METTL15: variants seen among roughly 807,000 people sequenced by gnomAD.
METTL15 encodes the protein 12S rRNA N(4)-cytidine methyltransferase METTL15.
METTL15 carries 34 observed loss-of-function variants against 38.3 expected under a neutral mutation model. That is an observed-to-expected ratio of 0.89 (90% CI 0.68 to 1.18). The LOEUF (loss-of-function observed/expected upper bound fraction) is 1.18. Ranked by LOEUF, METTL15 falls within the 50% of genes most tolerant of loss-of-function variation. The pLI is 0.00. For synonymous variants in METTL15, 162 were observed against 170.9 expected, an observed-to-expected ratio of 0.95 and a Z score of 0.41; for missense variants, 438 against 498.4, an observed-to-expected ratio of 0.88 and a Z score of 1.15.
intron 6 of METTL15, among the ~76,000 whole-genome samples, chr11:28,441,282 T>C (rs1851032895): frequency 6.6e-6 from 1 of 152,070 alleles, no homozygotes; most frequent in African/African-American, 2.4e-5. Flanking sequence ...TTTCACCATG[T>C]TGGCCAGGCT....
chr11:28,134,989 G>C (rs541969758), intron 3 of METTL15, among the ~76,000 whole-genome samples: 1 of 152,236 alleles, frequency 6.6e-6, no homozygotes, highest in South Asian at 2.1e-4. Context: ...TCCAGGACTA[G>C]AATATTGATC....
At chr11:28,441,460 A>G (rs1304206236) in intron 6 of METTL15, among the ~76,000 whole-genome samples, 1 of 151,996 alleles carries the variant, frequency 6.6e-6, no homozygotes, top group East Asian at 1.9e-4. Context: ...TCTGTTTCTT[A>G]CTCCTGAATT....
At chr11:28,475,025 A>G (rs1349284774) in intron 6 of METTL15, among the ~76,000 whole-genome samples, 1 of 152,174 alleles carries the variant, frequency 6.6e-6, no homozygotes, top group African/African-American at 2.4e-5. Flanking sequence ...GATCGTTTTG[A>G]TAGCCAAAGG....
At chr11:28,365,763 A>G (rs1380148198) in intron 5 of METTL15, among the ~76,000 whole-genome samples, 4 of 152,154 alleles carry the variant, frequency 2.6e-5, no homozygotes, top group Non-Finnish European at 5.9e-5. Flanking sequence ...ATAACAAAAA[A>G]TGGGCCAGGC....
At chr11:28,492,765 T>C (rs1392292989) in intron 6 of METTL15, among the ~76,000 whole-genome samples, 2 of 152,168 alleles carry the variant, frequency 1.3e-5, no homozygotes, top group Non-Finnish European at 1.5e-5. Flanking sequence ...GTATCTTATG[T>C]AAGTACAGAC....
intron 6 of METTL15, among the ~76,000 whole-genome samples, chr11:28,318,510 A>C (rs1343549688): frequency 6.6e-6 from 1 of 152,226 alleles, no homozygotes; most frequent in Non-Finnish European, 1.5e-5. Context: ...AACAAGAAGC[A>C]CTATTCTTTC....
intron 4 of METTL15, among the ~76,000 whole-genome samples, chr11:28,285,982 T>TGG (rs1856246469): frequency 6.6e-6 from 1 of 152,160 alleles, no homozygotes; most frequent in South Asian, 2.1e-4. Context: ...ATCTACCTCT[T>TGG]GAGCAGAGAT....
intron 6 of METTL15, among the ~76,000 whole-genome samples, chr11:28,498,380 G>T (rs1039305669): frequency 2.0e-5 from 3 of 151,960 alleles, no homozygotes; most frequent in African/African-American, 7.2e-5. Flanking sequence ...GGATGGTCTC[G>T]ATCTCCTGAC....
intron 4 of METTL15, among the ~76,000 whole-genome samples, chr11:28,284,214 A>G (rs1289572907): frequency 6.6e-6 from 1 of 152,128 alleles, no homozygotes; most frequent in African/African-American, 2.4e-5. Flanking sequence ...TTTTTTATAT[A>G]CTTTCATACT....
chr11:28,191,672 C>A, intron 3 of METTL15, among the ~76,000 whole-genome samples: 1 of 151,442 alleles, frequency 6.6e-6, no homozygotes, highest in Non-Finnish European at 1.5e-5. Flanking sequence ...TGGATGAGTT[C>A]TTTTGGCACG....
At chr11:28,269,962 G>A (rs368628345) in intron 4 of METTL15, among the ~76,000 whole-genome samples, 11 of 152,198 alleles carry the variant, frequency 7.2e-5, no homozygotes, top group African/African-American at 2.7e-4. Flanking sequence ...TTCAAACCCT[G>A]TATAAAAACA....
chr11:28,278,263 T>C (rs1481067735), intron 4 of METTL15, among the ~76,000 whole-genome samples: 1 of 152,200 alleles, frequency 6.6e-6, no homozygotes, highest in Non-Finnish European at 1.5e-5. Flanking sequence ...TAGACATTTT[T>C]ATGTGACAAT....
chr11:28,315,879 G>A lies in METTL15; in HGVS notation c.779-14517G>A, dbSNP rs557949027. Among the ~76,000 whole-genome samples the A allele has an allele frequency of 5.9e-5, 9 of 152,354 alleles. No homozygotes were observed. The South Asian group carries it at 1.7e-3, about 28-fold the overall frequency. On this transcript the variant is annotated intron_variant, in intron 6 of 6. Transcript: ENST00000407364. The stretch of plus-strand genomic sequence containing the variant: ...TCTATGTGGTGTTGAGCCTGTGGGT[G>A]CACAGAAGTCAAGAATTGGGGTTTG...
Position 28,290,098 on chromosome 11 carries a change from C to T in METTL15, c.408-108C>T, listed in dbSNP as rs764448194. 1.6e-4 allele frequency: 142 copies of T among 898,032 alleles called. 1 individual carries two copies. Among genetic ancestry groups the T allele is most frequent in the Admixed American group, 4.6e-4 (15 of 32,602 alleles). The allele number at this position is 898,032 out of a possible 1,614,324, so 55.6% of individuals were successfully genotyped here. A position where few individuals can be genotyped will look rare whatever the true frequency, so the allele number is the denominator to read the frequency against. On this transcript the variant is annotated intron_variant, in intron 4 of 6. Coordinates refer to ENST00000407364, the MANE Select transcript of METTL15 (RefSeq NM_001113528.2). ...CACTAAGCACTCAATAAATATATAT[C>T]GGTTAAATCATGTAATAATAGAATG...
intron 3 of METTL15, among the ~76,000 whole-genome samples, chr11:28,187,203 A>G (rs1851528675): frequency 6.6e-6 from 1 of 151,320 alleles, no homozygotes; most frequent in Admixed American, 6.6e-5. Flanking sequence ...TCTGAACAAA[A>G]GTAGGTGAGT....
At chr11:28,344,074 C>T (rs1297471188) in intron 3 of METTL15, among the ~76,000 whole-genome samples, 3 of 152,126 alleles carry the variant, frequency 2.0e-5, no homozygotes, top group Non-Finnish European at 4.4e-5. Context: ...ACCAGGTGGC[C>T]TTTTCTTGTA....
At position 28,296,879 on chromosome 11, in the gene METTL15, A is replaced by G; in HGVS notation, c.726A>G (p.Ala242=). 6.2e-7 allele frequency: 1 copy of G among 1,613,628 alleles called. No homozygotes were observed. The highest frequency in any genetic ancestry group is 8.5e-7 in the Non-Finnish European group (1 of 1,179,716). ...AKKIASAIVQ[A]RSIYPITRTQ... ...AAATCGCTTCAGCAATTGTTCAGGC[A>G]CGCAGCATCTACCCCATCACCAGAA... Residue 242 remains alanine (A), a synonymous_variant, in exon 6 of 7, where the codon GCA becomes GCG. Transcript: ENST00000407364.
intron 5 of METTL15, among the ~76,000 whole-genome samples, chr11:28,370,304 A>ATGCAATAT (rs60467307): frequency 0.42 from 63,574 of 151,016 alleles, 14,703 homozygotes; most frequent in Admixed American, 0.53. Context: ...GAGTGAGAAC[A>ATGCAATAT]TGCAATATTT....
At chr11:28,409,209 C>T (rs994215430) in intron 5 of METTL15, among the ~76,000 whole-genome samples, 4 of 151,446 alleles carry the variant, frequency 2.6e-5, no homozygotes, top group African/African-American at 7.3e-5. Context: ...GGTGAAACCC[C>T]GTCTCTACTA....
Sources: gnomAD v4.1 joint callset for allele counts (sites outside exome capture counted in the v4.1 genomes callset) on GRCh38, gnomAD v4.1.1 for gene constraint, MANE v1.5 for transcripts, NCBI Gene and HGNC (gene_info 2026-07-23, HGNC 2026-07-21) for gene names.